Variants in ETV6 observed in about 807,000 individuals in gnomAD.
ETV6 encodes ETS variant transcription factor 6, also known as transcription factor ETV6.
A neutral mutation model predicts 51.1 loss-of-function variants in ETV6; 16 were observed. The ratio of observed to expected loss-of-function variants is 0.31; its 90% CI spans 0.21 to 0.48. The LOEUF (loss-of-function observed/expected upper bound fraction) is 0.48, where lower values mean the gene tolerates loss of function less well. Among genes scored for constraint, ETV6 ranks in the 20% least tolerant of loss-of-function variants. The pLI is 0.99. For missense variants in ETV6, 458 were observed against 594.8 expected (o/e 0.77, Z 2.39); for synonymous variants, 240 against 224.1 (o/e 1.07, Z -0.64).
At chr12:11,842,607 C>T (rs17300449) in intron 3 of ETV6, among the ~76,000 whole-genome samples, 8,840 of 152,198 alleles carry the variant, frequency 0.058, 357 homozygotes, top group Non-Finnish European at 0.084. Flanking sequence ...GAATGATGAC[C>T]CGGTTTGAGA....
At chr12:11,704,029 AG>A (rs1865029712) in intron 1 of ETV6, among the ~76,000 whole-genome samples, 1 of 152,232 alleles carries the variant, frequency 6.6e-6, no homozygotes, top group Admixed American at 6.5e-5. Flanking sequence ...TCATCCTTCT[AG>A]TTTTTATTTT....
intron 1 of ETV6, among the ~76,000 whole-genome samples, chr12:11,663,804 A>T (rs75435405): frequency 0.027 from 4,084 of 152,068 alleles, 187 homozygotes; most frequent in African/African-American, 0.094. Flanking sequence ...GTCTGTCTTC[A>T]GTGGTGAACT....
chr12:11,772,060 G>A (rs1488939303), intron 2 of ETV6, among the ~76,000 whole-genome samples: 1 of 152,178 alleles, frequency 6.6e-6, no homozygotes, highest in African/African-American at 2.4e-5. Flanking sequence ...ATAATACAGT[G>A]TGCCTTTTCC....
intron 1 of ETV6, among the ~76,000 whole-genome samples, chr12:11,742,357 A>C (rs888723408): frequency 2.6e-5 from 4 of 152,224 alleles, no homozygotes; most frequent in Admixed American, 6.5e-5. Context: ...CCATGACCAC[A>C]ATGAAGGGAA....
intron 1 of ETV6, among the ~76,000 whole-genome samples, chr12:11,668,250 G>A (rs1323353943): frequency 6.6e-6 from 1 of 152,234 alleles, no homozygotes; most frequent in Non-Finnish European, 1.5e-5. Context: ...CTTAAAGAGT[G>A]ATTGAAATGC....
chr12:11,821,756 C>A (rs1037084935), intron 2 of ETV6, among the ~76,000 whole-genome samples: 7 of 152,274 alleles, frequency 4.6e-5, no homozygotes, highest in Admixed American at 2.0e-4. Flanking sequence ...AAGGGGATCA[C>A]TTGAAGCCAG....
At chr12:11,794,044 G>T (rs139627221) in intron 2 of ETV6, among the ~76,000 whole-genome samples, 35 of 152,232 alleles carry the variant, frequency 2.3e-4, no homozygotes, top group Middle Eastern at 3.4e-3. Flanking sequence ...CTCAGCAACC[G>T]GGCAGCTGGA....
intron 1 of ETV6, among the ~76,000 whole-genome samples, chr12:11,657,331 G>A (rs571817891): frequency 6.6e-6 from 1 of 152,188 alleles, no homozygotes; most frequent in South Asian, 2.1e-4. Flanking sequence ...CCATAGCAGA[G>A]GAAAAATGAG....
intron 2 of ETV6, among the ~76,000 whole-genome samples, chr12:11,779,573 C>T (rs963583832): frequency 6.6e-6 from 1 of 152,206 alleles, no homozygotes; most frequent in Non-Finnish European, 1.5e-5. Flanking sequence ...TGACATAGTT[C>T]AAGTGACGCA....
intron 2 of ETV6, among the ~76,000 whole-genome samples, chr12:11,834,071 G>C (rs1946281356): frequency 6.6e-6 from 1 of 152,210 alleles, no homozygotes; most frequent in South Asian, 2.1e-4. Flanking sequence ...CTCTGGAGGA[G>C]GCAGGCAGGT....
intron 1 of ETV6, among the ~76,000 whole-genome samples, chr12:11,738,315 T>C (rs1211362502): frequency 4.3e-5 from 2 of 46,712 alleles, no homozygotes; most frequent in Admixed American, 8.4e-4. Context: ...TGCTTTTTTT[T>C]TTTTTTTTTT....
At chr12:11,800,490 C>T (rs1209991827) in intron 2 of ETV6, among the ~76,000 whole-genome samples, 3 of 152,102 alleles carry the variant, frequency 2.0e-5, no homozygotes, top group Non-Finnish European at 4.4e-5. Context: ...CCGTGTTATA[C>T]AACAGATCTC....
chr12:11,844,918 G>A (rs1311103703), intron 3 of ETV6, among the ~76,000 whole-genome samples: 2 of 151,732 alleles, frequency 1.3e-5, no homozygotes, highest in African/African-American at 4.8e-5. Flanking sequence ...TGCAACCTCC[G>A]CCTCCAGGGT....
chr12:11,763,210 GGT>G (rs1945116423), intron 2 of ETV6, among the ~76,000 whole-genome samples: 1 of 152,158 alleles, frequency 6.6e-6, no homozygotes, highest in African/African-American at 2.4e-5. Flanking sequence ...TCTCCTATGA[GGT>G]GGTAGTGAAG....
intron 1 of ETV6, among the ~76,000 whole-genome samples, chr12:11,712,091 C>T (rs1156832005): frequency 6.6e-6 from 1 of 152,160 alleles, no homozygotes; most frequent in Admixed American, 6.5e-5. Context: ...TCTGTTTAAT[C>T]CTCAGGTGGA....
intron 1 of ETV6, among the ~76,000 whole-genome samples, chr12:11,739,910 A>C (rs896298194): frequency 2.6e-5 from 4 of 152,320 alleles, no homozygotes; most frequent in African/African-American, 7.2e-5. Flanking sequence ...AAGTTGCTGG[A>C]CTTCAAAAGT....
intron 2 of ETV6, among the ~76,000 whole-genome samples, chr12:11,809,942 C>T (rs1392062696): frequency 6.6e-6 from 1 of 150,980 alleles, no homozygotes; most frequent in East Asian, 1.9e-4. Flanking sequence ...GCCTCAGCCT[C>T]CTGAGTAGCT....
chr12:11,721,025 C>T (rs1865374777), intron 1 of ETV6, among the ~76,000 whole-genome samples: 1 of 152,164 alleles, frequency 6.6e-6, no homozygotes, highest in Admixed American at 6.5e-5. Context: ...GAGATACTGT[C>T]TCACACCAGT....
At chr12:11,664,227 T>C (rs1379504562) in intron 1 of ETV6, among the ~76,000 whole-genome samples, 1 of 152,256 alleles carries the variant, frequency 6.6e-6, no homozygotes, top group Non-Finnish European at 1.5e-5. Context: ...GATGCCATGC[T>C]TCTGCTGTGT....
Sources: allele counts gnomAD v4.1 joint callset (sites outside exome capture counted in the v4.1 genomes callset), GRCh38; gene constraint gnomAD v4.1.1; transcripts MANE v1.5; gene names NCBI Gene and HGNC (gene_info 2026-07-23, HGNC 2026-07-21).